The following SFMBT2 variants were observed in gnomAD, a reference collection of about 807,000 sequenced individuals.
The protein encoded by SFMBT2 is scm-like with four MBT domains protein 2.
SFMBT2 carries 38 observed loss-of-function variants against 110.1 expected under a neutral mutation model. That is an observed-to-expected ratio of 0.35 (90% CI 0.27 to 0.45). The LOEUF is 0.45. Ranked by LOEUF, SFMBT2 falls within the 20% of genes least tolerant of loss-of-function variation. The pLI, the probability that SFMBT2 is intolerant of heterozygous loss-of-function variation, is 1.00. For synonymous variants in SFMBT2, 425 were observed against 425.4 expected, an observed-to-expected ratio of 1.00 and a Z score of 0.01; for missense variants, 1,011 against 1,094.9, an observed-to-expected ratio of 0.92 and a Z score of 1.08.
intron 1 of SFMBT2, among the ~76,000 whole-genome samples, chr10:7,401,634 C>A (rs1163134610): frequency 1.3e-5 from 2 of 152,174 alleles, no homozygotes; most frequent in Non-Finnish European, 2.9e-5. Flanking sequence ...CTGGTTCAGA[C>A]ATCCACAGGG....
intron 4 of SFMBT2, among the ~76,000 whole-genome samples, chr10:7,360,709 T>C (rs1214741212): frequency 3.3e-5 from 5 of 152,202 alleles, no homozygotes; most frequent in African/African-American, 7.2e-5. Context: ...TACAAACACA[T>C]ACATACCTAC....
chr10:7,310,217 G>A (rs999054364), intron 4 of SFMBT2, among the ~76,000 whole-genome samples: 5 of 152,118 alleles, frequency 3.3e-5, no homozygotes, highest in Non-Finnish European at 5.9e-5. Context: ...ATGTTGATTC[G>A]GTACACAGAA....
intron 11 of SFMBT2, among the ~76,000 whole-genome samples, chr10:7,207,779 G>A (rs1212067518): frequency 6.6e-6 from 1 of 152,208 alleles, no homozygotes; most frequent in African/African-American, 2.4e-5. Flanking sequence ...TATTTTACTT[G>A]CTAAACGTGG....
chr10:7,295,962 G>C (rs1009927248), intron 4 of SFMBT2, among the ~76,000 whole-genome samples: 1 of 152,162 alleles, frequency 6.6e-6, no homozygotes, highest in African/African-American at 2.4e-5. Flanking sequence ...CTTAGCACTA[G>C]AAACAACCAG....
chr10:7,397,554 A>G (rs777415288), intron 1 of SFMBT2, among the ~76,000 whole-genome samples: 1 of 152,164 alleles, frequency 6.6e-6, no homozygotes, highest in Non-Finnish European at 1.5e-5. Context: ...AAATGAGCAC[A>G]GGCATCTATG....
rs765279503 is a variant in SFMBT2 at position 7,176,145 on chromosome 10, C to T, written c.1829G>A (p.Arg610Lys). Residue 610 changes from arginine to lysine, a missense_variant, in exon 17 of 21, where the codon AGG (arginine) becomes AAG (lysine). By Grantham distance (26) the Arg-to-Lys change is conservative. Coordinates refer to ENST00000397167, the MANE Select transcript of SFMBT2 (RefSeq NM_001387889.1). ...TGTCCGTACGATTTTGACCACAGCCCTGTATGTTTTGCCTCTGTATCTAGA... is the reference window on the plus strand; with the variant it reads ...TGTCCGTACGATTTTGACCACAGCCTTGTATGTTTTGCCTCTGTATCTAGA... ...LKAKYRGKTY[R>K]AVVKIVRTSD... 23 of 1,614,030 alleles carry T rather than the reference C, an allele frequency of 1.4e-5. No individual in the cohort carries two copies. The Admixed American group carries it at 3.8e-4, about 27-fold the overall frequency.
intron 10 of SFMBT2, among the ~76,000 whole-genome samples, chr10:7,224,402 T>C (rs1277724418): frequency 6.6e-6 from 1 of 152,216 alleles, no homozygotes; most frequent in East Asian, 1.9e-4. Flanking sequence ...GGCTCTCCAC[T>C]GTCTGAGTCT....
At chr10:7,281,874 C>CTG (rs1412285874) in intron 6 of SFMBT2, among the ~76,000 whole-genome samples, 2 of 152,132 alleles carry the variant, frequency 1.3e-5, no homozygotes, top group East Asian at 3.9e-4. Context: ...TTCACAGAGT[C>CTG]TCACTCTGTC....
At chr10:7,320,901 G>A (rs968366693) in intron 4 of SFMBT2, among the ~76,000 whole-genome samples, 6 of 152,136 alleles carry the variant, frequency 3.9e-5, no homozygotes, top group Non-Finnish European at 7.3e-5. Flanking sequence ...GCCTGCCAAC[G>A]GCCCAGTTCC....
intron 4 of SFMBT2, among the ~76,000 whole-genome samples, chr10:7,351,487 T>C (rs902357680): frequency 5.9e-5 from 9 of 152,222 alleles, no homozygotes; most frequent in South Asian, 2.1e-4. Context: ...ATGGGAATAC[T>C]GCAGGTCACA....
At chr10:7,264,393 G>C (rs894359918) in intron 7 of SFMBT2, among the ~76,000 whole-genome samples, 3 of 152,178 alleles carry the variant, frequency 2.0e-5, no homozygotes, top group Non-Finnish European at 4.4e-5. Flanking sequence ...AGACTGTGCT[G>C]CAGAAGGACA....
chr10:7,385,153 T>C (rs1200651097), intron 1 of SFMBT2, among the ~76,000 whole-genome samples: 1 of 152,088 alleles, frequency 6.6e-6, no homozygotes. Context: ...TCCAACCAAA[T>C]ACCCAAGCGT....
chr10:7,224,396 C>T (rs915221462), intron 10 of SFMBT2, among the ~76,000 whole-genome samples: 1 of 152,212 alleles, frequency 6.6e-6, no homozygotes, highest in African/African-American at 2.4e-5. Context: ...GATCCTGGCT[C>T]TCCACTGTCT....
At chr10:7,411,062 G>A (rs1846366484), upstream of SFMBT2, among the ~76,000 whole-genome samples, 1 of 120,494 alleles carries the variant, frequency 8.3e-6, no homozygotes, top group Non-Finnish European at 1.6e-5. Context: ...CATGCTCGGC[G>A]CTCTTTTTTT....
At chr10:7,354,938 G>C (rs963826622) in intron 4 of SFMBT2, among the ~76,000 whole-genome samples, 1 of 152,204 alleles carries the variant, frequency 6.6e-6, no homozygotes, top group Admixed American at 6.5e-5. Context: ...TGAGTAATCA[G>C]ATAAAGACGT....
intron 8 of SFMBT2, 43 bp downstream of exon 8, chr10:7,248,505 C>G (rs1840691631): frequency 6.6e-7 from 1 of 1,511,192 alleles, no homozygotes; most frequent in Non-Finnish European, 9.2e-7. Flanking sequence ...TTAATTTGAT[C>G]CACTCTAGGG....
rs576677055 is a variant in SFMBT2, at chr10:7,159,471, A to G, written c.*4299T>C. The G allele has an allele frequency of 2.6e-5, 4 of 152,334 alleles. No individual in the cohort carries two copies. The highest frequency in any genetic ancestry group is 1.9e-4 in the East Asian group (1 of 5,184). The allele number at this position is 152,334 out of a possible 1,614,324, so 9.4% of individuals were successfully genotyped here. A position where few individuals can be genotyped will look rare whatever the true frequency, so the allele number is the denominator to read the frequency against. The stretch of plus-strand genomic sequence containing the variant: ...AATTTCCAGAAAATTCTTGAACAGA[A>G]AAGGGCAGTAAACAAAAGAATTATT... On this transcript the variant is annotated 3_prime_UTR_variant, in exon 21 of 21. Coordinates refer to ENST00000397167, the MANE Select transcript of SFMBT2 (RefSeq NM_001387889.1).
At chr10:7,277,615 C>T (rs1841824629) in intron 6 of SFMBT2, 1 of 152,894 alleles carries the variant, frequency 6.5e-6, no homozygotes, top group African/African-American at 2.4e-5. Flanking sequence ...ATGGAGGTTA[C>T]ACAGTCTGAA....
chr10:7,212,171 C>T (rs905414341), intron 11 of SFMBT2, among the ~76,000 whole-genome samples: 5 of 152,172 alleles, frequency 3.3e-5, no homozygotes, highest in African/African-American at 1.2e-4. Context: ...GGGCAGTTTG[C>T]TGGAACTCAA....
Sources: allele counts gnomAD v4.1 joint callset (sites outside exome capture counted in the v4.1 genomes callset), GRCh38; gene constraint gnomAD v4.1.1; transcripts MANE v1.5; gene names NCBI Gene and HGNC (gene_info 2026-07-23, HGNC 2026-07-21).